The following ESRRG variants were observed in gnomAD, a reference collection of about 807,000 sequenced individuals.
ESRRG encodes the protein estrogen related receptor gamma.
ESRRG carries 13 observed loss-of-function variants against 44.0 expected under a neutral mutation model. The ratio of observed to expected loss-of-function variants is 0.30; its 90% CI spans 0.19 to 0.47. The LOEUF (loss-of-function observed/expected upper bound fraction) is 0.47, where lower values mean the gene tolerates loss of function less well. ESRRG is among the 20% of genes least tolerant of loss of function. ESRRG has a pLI of 1.00. For synonymous variants in ESRRG, 215 were observed against 214.6 expected (o/e 1.00, Z -0.02); for missense variants, 395 against 580.6 (o/e 0.68, Z 3.29).
intron 2 of ESRRG, among the ~76,000 whole-genome samples, chr1:216,780,637 G>A (rs2093898942): frequency 6.6e-6 from 1 of 151,866 alleles, no homozygotes; most frequent in Non-Finnish European, 1.5e-5. Flanking sequence ...TGTGCCTTTG[G>A]TTCCAGATGA....
intron 1 of ESRRG, among the ~76,000 whole-genome samples, chr1:216,940,804 A>G (rs1264944944): frequency 6.6e-6 from 1 of 152,230 alleles, no homozygotes; most frequent in Non-Finnish European, 1.5e-5. Context: ...CTTGACAAAT[A>G]AACTAGATTG....
intron 1 of ESRRG, among the ~76,000 whole-genome samples, chr1:217,112,425 G>A (rs2092671444): frequency 6.6e-6 from 1 of 152,114 alleles, no homozygotes; most frequent in Non-Finnish European, 1.5e-5. Flanking sequence ...CTATATTTGG[G>A]TCCTGGAGAA....
intron 2 of ESRRG, among the ~76,000 whole-genome samples, chr1:216,856,711 G>A (rs1007543870): frequency 1.3e-5 from 2 of 152,078 alleles, no homozygotes; most frequent in Admixed American, 1.3e-4. Context: ...TCAGGAAGAG[G>A]AAAAAAGAGA....
intron 1 of ESRRG, among the ~76,000 whole-genome samples, chr1:216,987,093 C>T (rs1480568741): frequency 6.6e-6 from 1 of 152,094 alleles, no homozygotes; most frequent in African/African-American, 2.4e-5. Context: ...CAGAGGAGTG[C>T]CAGACAGTTC....
chr1:217,125,209 A>G (rs2092873761), intron 1 of ESRRG, among the ~76,000 whole-genome samples: 1 of 152,190 alleles, frequency 6.6e-6, no homozygotes, highest in Non-Finnish European at 1.5e-5. Context: ...CCATACCAGT[A>G]CCACAAGTGT....
intron 5 of ESRRG, among the ~76,000 whole-genome samples, chr1:216,528,412 A>AAC (rs1170749558): frequency 1.3e-5 from 2 of 152,176 alleles, no homozygotes; most frequent in Non-Finnish European, 2.9e-5. Context: ...AACCATTCAC[A>AAC]ACAGACTTCA....
chr1:217,000,595 G>T (rs1255852937), intron 1 of ESRRG: 1 of 152,150 alleles, frequency 6.6e-6, no homozygotes, highest in Non-Finnish European at 1.5e-5. Context: ...ATCTTTTGGG[G>T]ATACACAATT....
At chr1:216,686,439 C>CAAA (rs58718125) in intron 1 of ESRRG, among the ~76,000 whole-genome samples, 134 of 107,128 alleles carry the variant, frequency 1.3e-3, no homozygotes, top group East Asian at 3.3e-3. Context: ...TATTGTTAAC[C>CAAA]AAAAAAAAAA....
At chr1:217,017,450 C>T (rs924602796) in intron 1 of ESRRG, among the ~76,000 whole-genome samples, 4 of 124,474 alleles carry the variant, frequency 3.2e-5, no homozygotes, top group African/African-American at 1.3e-4. Flanking sequence ...TTTACAAGAT[C>T]CCTAGAGAAA....
chr1:217,111,948 T>C (rs765079623), intron 1 of ESRRG, among the ~76,000 whole-genome samples: 3 of 151,946 alleles, frequency 2.0e-5, no homozygotes, highest in Non-Finnish European at 4.4e-5. Context: ...AAACGTTCTC[T>C]CTCAGGACAT....
intron 2 of ESRRG, among the ~76,000 whole-genome samples, chr1:216,767,881 T>C (rs543354528): frequency 6.6e-6 from 1 of 152,286 alleles, no homozygotes; most frequent in South Asian, 2.1e-4. Context: ...CCAACACAAC[T>C]CTTTCATAAG....
At chr1:216,950,363 C>T (rs143798019) in intron 1 of ESRRG, among the ~76,000 whole-genome samples, 6 of 152,194 alleles carry the variant, frequency 3.9e-5, no homozygotes, top group African/African-American at 7.2e-5. Context: ...AGGAAATTCA[C>T]GATTTATGTG....
Position 216,961,400 on chromosome 1 carries a change from G to A in ESRRG, c.-105-21727C>T, listed in dbSNP as rs181247000. ...ATAAAAAAATGATAAAGTCTATCTG[G>A]ATATGAAATTATTTTTATCAAAGGA... is the stretch of plus-strand genomic sequence containing the variant. On this transcript the variant is annotated intron_variant, in intron 1 of 7. Transcript: ENST00000359162. Among the ~76,000 whole-genome samples, 305 of 152,146 alleles carry A rather than the reference G, an allele frequency of 2.0e-3. 1 individual carries two copies. Among genetic ancestry groups the A allele is most frequent in the African/African-American group, 7.0e-3 (290 of 41,518 alleles).
intron 3 of ESRRG, among the ~76,000 whole-genome samples, chr1:216,626,844 TGA>T (rs1558892459): frequency 2.0e-5 from 3 of 152,186 alleles, no homozygotes; most frequent in Non-Finnish European, 2.9e-5. Context: ...GTTCTAAAAA[TGA>T]GAGAGTCAGG....
chr1:216,918,409 G>A (rs543651115), intron 2 of ESRRG, among the ~76,000 whole-genome samples: 89 of 152,098 alleles, frequency 5.9e-4, no homozygotes, highest in African/African-American at 2.1e-3. Flanking sequence ...AACTGGTGTG[G>A]GGAAAATAAG....
At position 216,909,838 on chromosome 1, in the gene ESRRG, G is replaced by T. The variant is rs138948009; in HGVS notation, c.-14+29744C>A. 1.1e-4 allele frequency among the ~76,000 whole-genome samples: 17 copies of T among 152,196 alleles called. No homozygotes were observed. The East Asian group carries it at 3.1e-3, about 28-fold the overall frequency. On this transcript the variant is annotated intron_variant, in intron 2 of 7. Transcript: ENST00000359162. Reference sequence around the variant, plus strand: ...CAATTAAACCTAAAAGCACTAAATTGTTATGGGCTCTTTTCAGAAATGAAA... The same window carrying T: ...CAATTAAACCTAAAAGCACTAAATTTTTATGGGCTCTTTTCAGAAATGAAA...
At chr1:216,522,075 A>T (rs368236676) in intron 5 of ESRRG, among the ~76,000 whole-genome samples, 6,316 of 152,092 alleles carry the variant, frequency 0.042, 189 homozygotes, top group Non-Finnish European at 0.061. Context: ...TTAATTGAAC[A>T]AAAAACAATA....
At chr1:216,583,040 T>C (rs1328925636) in intron 3 of ESRRG, among the ~76,000 whole-genome samples, 1 of 145,018 alleles carries the variant, frequency 6.9e-6, no homozygotes, top group Non-Finnish European at 1.6e-5. Flanking sequence ...CTTGAGTGTT[T>C]GAAGAAAAAA....
At chr1:216,975,225 TC>T (rs1560326002) in intron 1 of ESRRG, among the ~76,000 whole-genome samples, 1 of 152,240 alleles carries the variant, frequency 6.6e-6, no homozygotes, top group East Asian at 1.9e-4. Context: ...GATTGCTTTA[TC>T]AGCCAAGGAA....
Sources: allele counts gnomAD v4.1 joint callset (sites outside exome capture counted in the v4.1 genomes callset), GRCh38; gene constraint gnomAD v4.1.1; transcripts MANE v1.5; gene names NCBI Gene and HGNC (gene_info 2026-07-23, HGNC 2026-07-21).